SET: variants seen among roughly 807,000 people sequenced by gnomAD.
The protein encoded by SET is protein SET.
A neutral mutation model predicts 39.0 loss-of-function variants in SET; 4 were observed. The observed-to-expected ratio is 0.10, with a 90% CI of 0.05 to 0.23. The LOEUF (loss-of-function observed/expected upper bound fraction) is 0.23. Ranked by LOEUF, SET falls within the 10% of genes least tolerant of loss-of-function variation. The pLI, the probability that SET is intolerant of heterozygous loss-of-function variation, is 1.00. For missense variants in SET, 137 were observed against 329.7 expected (o/e 0.42, Z 4.53); for synonymous variants, 114 against 115.9 (o/e 0.98, Z 0.11).
In SET at chr9:128,689,656, G is replaced by GAACAGCAAGAAGCGATTGAACACATTGA. The variant is rs761744754; in HGVS notation, c.73+1_73+2insAACAGCAAGAAGCGATTGAACACATTGA. 2.3e-5 allele frequency: 27 copies of GAACAGCAAGAAGCGATTGAACACATTGA among 1,187,360 alleles called. No homozygotes were observed. Among genetic ancestry groups the GAACAGCAAGAAGCGATTGAACACATTGA allele is most frequent in the South Asian group, 1.5e-4 (7 of 45,342 alleles). The allele number at this position is 1,187,360 out of a possible 1,614,324, so 73.6% of individuals were successfully genotyped here. A position where few individuals can be genotyped will look rare whatever the true frequency, so the allele number is the denominator to read the frequency against. ...CACGACGGGGCCGACGAGACCTCAG[G>GAACAGCAAGAAGCGATTGAACACATTGA]TGAGAGCAGCGAGCCCGGGGGCCGG... On this transcript the variant is annotated splice_donor_variant, in intron 1 of 7. Transcript: ENST00000322030. LOFTEE classifies it high-confidence loss of function.
At chr9:128,683,862 A>G in exon 1 of SET, 1 of 1,519,536 alleles carries the variant, frequency 6.6e-7, no homozygotes, top group South Asian at 1.2e-5. Context: ...GGGCGAGGAG[A>G]CTCGTGGTCT....
upstream of SET, among the ~76,000 whole-genome samples, chr9:128,686,442 G>T (rs554746491): frequency 6.6e-6 from 1 of 152,318 alleles, no homozygotes; most frequent in African/African-American, 2.4e-5. Flanking sequence ...GCACTTAGGA[G>T]ACATTGTGGG....
At chr9:128,692,088 G>A (rs1036703450) in intron 3 of SET, 88 bp downstream of exon 3, 205 of 1,482,372 alleles carry the variant, frequency 1.4e-4, no homozygotes, top group Non-Finnish European at 1.8e-4. Flanking sequence ...AGCATGCTGG[G>A]TTGCGTGCAA....
chr9:128,695,094 A>G lies in SET; in HGVS notation c.*430A>G, dbSNP rs959661792. The G allele has an allele frequency of 4.4e-6, 1 of 227,784 alleles. No individual in the cohort carries two copies. Among genetic ancestry groups the G allele is most frequent in the Non-Finnish European group, 8.8e-6 (1 of 114,064 alleles). The allele number at this position is 227,784 out of a possible 1,614,324, so 14.1% of individuals were successfully genotyped here. ...GAGTACACTGTGTCTCTATGTGAATATGGACAGTTAGCATTTACCAACATG... is the reference window on the plus strand; with the variant it reads ...GAGTACACTGTGTCTCTATGTGAATGTGGACAGTTAGCATTTACCAACATG... On this transcript the variant is annotated 3_prime_UTR_variant, in exon 8 of 8. Transcript: ENST00000322030.
intron 3 of SET, 96 bp downstream of exon 3, chr9:128,692,096 C>T: frequency 1.4e-6 from 2 of 1,430,822 alleles, no homozygotes; most frequent in Non-Finnish European, 1.9e-6. Context: ...GGGTTGCGTG[C>T]AACAAAGACA....
In SET at chr9:128,691,854, T is replaced by G. The variant is rs772579604; in HGVS notation, c.132-4T>G. 1 of 1,608,944 alleles carries G rather than the reference T, an allele frequency of 6.2e-7. No homozygotes were observed. Among genetic ancestry groups the G allele is most frequent in the Non-Finnish European group, 8.5e-7 (1 of 1,177,836 alleles). On this transcript the variant is annotated splice_polypyrimidine_tract_variant and splice_region_variant and intron_variant, in intron 2 of 7. Coordinates refer to ENST00000322030, the MANE Select transcript of SET (RefSeq NM_003011.4). Reference sequence around the variant, plus strand: ...TTGTCAACATCTCTTTTCATTTGCTTCAGACTTAATGAACAAGCCAGTGAG... The same window carrying G: ...TTGTCAACATCTCTTTTCATTTGCTGCAGACTTAATGAACAAGCCAGTGAG...
At chr9:128,686,192 C>T (rs996177340), upstream of SET, among the ~76,000 whole-genome samples, 4 of 152,126 alleles carry the variant, frequency 2.6e-5, no homozygotes, top group Non-Finnish European at 2.9e-5. Flanking sequence ...AGTGTGCCCC[C>T]GGCTCGCCTG....
intron 3 of SET, 182 bp from the exon 4 acceptor site, chr9:128,692,480 A>G (rs1861584533): frequency 1.5e-5 from 8 of 530,590 alleles, no homozygotes; most frequent in Middle Eastern, 5.0e-4. Context: ...AGGAGAAGCT[A>G]TATTCTAATT....
At chr9:128,694,103 G>A in intron 7 of SET, 61 bp downstream of exon 7, 2 of 1,181,292 alleles carry the variant, frequency 1.7e-6, no homozygotes, top group South Asian at 1.6e-5. Context: ...GTTATTTTGG[G>A]GTGTATATAT....
rs1007480151 is a variant in SET at position 128,693,484 on chromosome 9, A to G, written c.493-154A>G. Among the ~76,000 whole-genome samples, 4 of 152,204 alleles carry G rather than the reference A, an allele frequency of 2.6e-5. No homozygotes were observed. The East Asian group carries it at 7.7e-4, about 29-fold the overall frequency. ...TTGATACTACCTCTACCTGCTGCAC[A>G]GTTTTATAATTGCTCTTAGGTAATA... On this transcript the variant is annotated intron_variant, in intron 5 of 7. Transcript: ENST00000322030.
intron 1 of SET, chr9:128,684,039 T>A: frequency 6.7e-7 from 1 of 1,484,318 alleles, no homozygotes; most frequent in Non-Finnish European, 9.2e-7. Flanking sequence ...TATTGGAGAT[T>A]TAAGGGATTT....
rs1314035269 is a variant in SET, at chr9:128,695,485, A to C, written c.*821A>C. On this transcript the variant is annotated 3_prime_UTR_variant, in exon 8 of 8. Coordinates refer to ENST00000322030, the MANE Select transcript of SET (RefSeq NM_003011.4). ...AAGATGATGCTCAGTTTTAAACGTT[A>C]AAAGTGTACAAGTTGCTTTGTTACA... 1.8e-5 allele frequency: 4 copies of C among 222,236 alleles called. No individual in the cohort carries two copies. The highest frequency in any genetic ancestry group is 3.7e-5 in the Non-Finnish European group (4 of 108,722). The allele number at this position is 222,236 out of a possible 1,614,324, so 13.8% of individuals were successfully genotyped here.
At chr9:128,694,409 A>G (rs1462390379) in intron 7 of SET, among the ~76,000 whole-genome samples, 1 of 152,152 alleles carries the variant, frequency 6.6e-6, no homozygotes, top group Non-Finnish European at 1.5e-5. Context: ...TCAAATTAGG[A>G]TAGGTTGGTT....
chr9:128,694,573 A>T, intron 7 of SET, 68 bp from the exon 8 acceptor site: 1 of 1,109,344 alleles, frequency 9.0e-7, no homozygotes, highest in Non-Finnish European at 1.3e-6. Context: ...CGTGGGGTCC[A>T]TTGTGGTCCA....
At chr9:128,684,086 C>T in intron 1 of SET, 1 of 1,176,582 alleles carries the variant, frequency 8.5e-7, no homozygotes, top group Non-Finnish European at 1.2e-6. Context: ...CCCCCAATCC[C>T]TCTTGAGATG....
At position 128,695,093 on chromosome 9, in the gene SET, T is replaced by C. The variant is rs1278756034; in HGVS notation, c.*429T>C. Reference sequence around the variant, plus strand: ...AGAGTACACTGTGTCTCTATGTGAATATGGACAGTTAGCATTTACCAACAT... The same window carrying C: ...AGAGTACACTGTGTCTCTATGTGAACATGGACAGTTAGCATTTACCAACAT... On this transcript the variant is annotated 3_prime_UTR_variant, in exon 8 of 8. Coordinates refer to ENST00000322030, the MANE Select transcript of SET (RefSeq NM_003011.4). 8.8e-6 allele frequency: 2 copies of C among 227,806 alleles called. No homozygotes were observed. The highest frequency in any genetic ancestry group is 1.8e-5 in the Non-Finnish European group (2 of 114,086). 14.1% of individuals were successfully genotyped at this position (227,806 alleles called of 1,614,324 possible).
chr9:128,696,034 G>GT lies in SET; in HGVS notation c.*1371dup, dbSNP rs1368964542. ...GAGCAGTAACTGTCCCTGCTTTCTGGTATAAAGCTCTCAAATGTGACCATG... is the reference window on the plus strand; with the variant it reads ...GAGCAGTAACTGTCCCTGCTTTCTGGTTATAAAGCTCTCAAATGTGACCATG... On this transcript the variant is annotated 3_prime_UTR_variant, in exon 8 of 8. Coordinates refer to ENST00000322030, the MANE Select transcript of SET (RefSeq NM_003011.4). 2 of 224,650 alleles carry GT rather than the reference G, an allele frequency of 8.9e-6. No individual in the cohort carries two copies. Among genetic ancestry groups the GT allele is most frequent in the Non-Finnish European group, 1.8e-5 (2 of 112,046 alleles). 13.9% of individuals were successfully genotyped at this position (224,650 alleles called of 1,614,324 possible).
At chr9:128,691,800 C>A in intron 2 of SET, 58 bp from the exon 3 acceptor site, 1 of 1,520,848 alleles carries the variant, frequency 6.6e-7, no homozygotes, top group Non-Finnish European at 8.9e-7. Flanking sequence ...GTAATCTCAA[C>A]CAATTTTTTA....
intron 1 of SET, 97 bp from the exon 2 acceptor site, chr9:128,691,073 G>C (rs769150734): frequency 5.2e-6 from 5 of 967,932 alleles, no homozygotes; most frequent in Non-Finnish European, 8.4e-6. Context: ...AGGCGTTTTT[G>C]TTTTTGTTTT....
Sources: gnomAD v4.1 joint callset for allele counts (sites outside exome capture counted in the v4.1 genomes callset) on GRCh38, gnomAD v4.1.1 for gene constraint, MANE v1.5 for transcripts, NCBI Gene and HGNC (gene_info 2026-07-23, HGNC 2026-07-21) for gene names.